The following ANO6 variants were observed in gnomAD, a reference collection of about 807,000 sequenced individuals.
ANO6 encodes the protein anoctamin 6.
A neutral mutation model predicts 117.5 loss-of-function variants in ANO6; 106 were observed. The observed-to-expected ratio is 0.90, with a 90% CI of 0.77 to 1.06. ANO6 has a LOEUF of 1.06. Among genes scored for constraint, ANO6 ranks in the 50% least tolerant of loss-of-function variants. ANO6 has a pLI of 0.00. For missense variants in ANO6, 955 were observed against 1,121.1 expected (o/e 0.85, Z 2.12); for synonymous variants, 367 against 385.1 (o/e 0.95, Z 0.55).
rs1943226456 is a variant in ANO6, at chr12:45,416,847, C to G, written c.2160C>G (p.Asp720Glu). 6.2e-7 allele frequency: 1 copy of G among 1,614,050 alleles called. No individual in the cohort carries two copies. The highest frequency in any genetic ancestry group is 1.3e-5 in the African/African-American group (1 of 74,922). ...FRRLVPEKAQ[D>E]IGAWQPIMQG... ...GCCTGGTACCAGAGAAAGCCCAAGA[C>G]ATTGGAGCATGGCAGCCCATCATGC... Residue 720 changes from aspartate to glutamate, a missense_variant, in exon 17 of 20, where the codon GAC becomes GAG. Asp to Glu is a conservative substitution (Grantham distance 45). Transcript: ENST00000320560.
At chr12:45,241,833 C>G (rs1487088014) in intron 1 of ANO6, among the ~76,000 whole-genome samples, 1 of 152,180 alleles carries the variant, frequency 6.6e-6, no homozygotes, top group Admixed American at 6.5e-5. Context: ...TTGGAGTTTG[C>G]TGGATGTCCA....
chr12:45,429,225 C>G lies in ANO6; in HGVS notation c.2647C>G (p.Leu883Val). Residue 883 changes from leucine (L) to valine (V), a missense_variant, in exon 20 of 20, where the codon CTC (leucine) becomes GTC (valine). By Grantham distance (32) the Leu-to-Val change is conservative. Transcript: ENST00000320560. ...CCAAAAGCTTCTTCATGAGAATCAC[C>G]TCAAAGATATGACGAAAAATATGGG... ...LTQKLLHENH[L>V]KDMTKNMGVI... The G allele has an allele frequency of 6.2e-7, 1 of 1,613,852 alleles. No individual in the cohort carries two copies. The highest frequency in any genetic ancestry group is 1.7e-5 in the Admixed American group (1 of 59,978).
At chr12:45,417,823 T>C (rs1256842364) in intron 17 of ANO6, among the ~76,000 whole-genome samples, 1 of 152,182 alleles carries the variant, frequency 6.6e-6, no homozygotes, top group Non-Finnish European at 1.5e-5. Flanking sequence ...TGGCAGTGCC[T>C]GTAGTTTAGG....
chr12:45,246,496 A>G (rs1411894230), intron 1 of ANO6, among the ~76,000 whole-genome samples: 1 of 152,198 alleles, frequency 6.6e-6, no homozygotes, highest in East Asian at 1.9e-4. Context: ...TGAAAGAGAA[A>G]GTTTACCAGC....
At chr12:45,240,053 G>A (rs916755926) in intron 1 of ANO6, among the ~76,000 whole-genome samples, 20 of 152,156 alleles carry the variant, frequency 1.3e-4, no homozygotes, top group African/African-American at 4.6e-4. Flanking sequence ...TTAGTGCAGA[G>A]CTGACTTCAA....
chr12:45,255,810 C>T (rs1349998706), intron 1 of ANO6, among the ~76,000 whole-genome samples: 2 of 126,364 alleles, frequency 1.6e-5, no homozygotes, highest in South Asian at 5.5e-4. Context: ...CAGGTTTTCT[C>T]CCTGGGTGTT....
At chr12:45,344,982 G>A (rs1215162195) in intron 3 of ANO6, among the ~76,000 whole-genome samples, 1 of 152,102 alleles carries the variant, frequency 6.6e-6, no homozygotes, top group Non-Finnish European at 1.5e-5. Flanking sequence ...GAGCGGAGTA[G>A]GAAAGCTATA....
chr12:45,229,354 GCTGT>G (rs1467788799), intron 1 of ANO6, among the ~76,000 whole-genome samples: 3 of 150,652 alleles, frequency 2.0e-5, no homozygotes, highest in South Asian at 2.1e-4. Flanking sequence ...TTATTCTTGG[GCTGT>G]CTATCAATCT....
intron 3 of ANO6, among the ~76,000 whole-genome samples, chr12:45,346,709 G>A (rs1046052974): frequency 2.0e-5 from 3 of 152,140 alleles, no homozygotes; most frequent in African/African-American, 4.8e-5. Context: ...AAAAGTACGT[G>A]GGATTGTGTC....
At chr12:45,274,428 C>T (rs189853011) in intron 1 of ANO6, among the ~76,000 whole-genome samples, 74 of 152,182 alleles carry the variant, frequency 4.9e-4, no homozygotes, top group Non-Finnish European at 9.4e-4. Flanking sequence ...TGAAGTCATC[C>T]TTGATTCCTG....
chr12:45,329,351 A>G (rs1940585536), intron 2 of ANO6, among the ~76,000 whole-genome samples: 1 of 152,142 alleles, frequency 6.6e-6, no homozygotes, highest in South Asian at 2.1e-4. Flanking sequence ...TCTTTTCTCT[A>G]GTATTGCATT....
At chr12:45,389,611 C>T (rs1367929325) in intron 11 of ANO6, among the ~76,000 whole-genome samples, 2 of 152,148 alleles carry the variant, frequency 1.3e-5, no homozygotes, top group Non-Finnish European at 2.9e-5. Flanking sequence ...TTTCATTGCC[C>T]ACATACCCTC....
chr12:45,242,624 T>C (rs1376882477), intron 1 of ANO6, among the ~76,000 whole-genome samples: 1 of 152,198 alleles, frequency 6.6e-6, no homozygotes, highest in African/African-American at 2.4e-5. Flanking sequence ...GTACCTCAGT[T>C]GGAAATGCAG....
At chr12:45,255,347 A>G (rs1289632468) in intron 1 of ANO6, among the ~76,000 whole-genome samples, 1 of 152,154 alleles carries the variant, frequency 6.6e-6, no homozygotes, top group Non-Finnish European at 1.5e-5. Context: ...TAAAAATACA[A>G]CAACAATTAG....
At chr12:45,432,959 C>CAGT (rs1565781040), downstream of ANO6, among the ~76,000 whole-genome samples, 2 of 152,194 alleles carry the variant, frequency 1.3e-5, no homozygotes, top group African/African-American at 4.8e-5. Flanking sequence ...GAGAGCCAGC[C>CAGT]TGCAGTAGGT....
At chr12:45,420,461 T>C (rs1464815299) in intron 17 of ANO6, among the ~76,000 whole-genome samples, 1 of 147,326 alleles carries the variant, frequency 6.8e-6, no homozygotes, top group Non-Finnish European at 1.5e-5. Context: ...ACAAAAAATG[T>C]TTAAAGATTA....
At chr12:45,218,974 C>T (rs948904678) in intron 1 of ANO6, among the ~76,000 whole-genome samples, 3 of 152,162 alleles carry the variant, frequency 2.0e-5, no homozygotes, top group Non-Finnish European at 2.9e-5. Flanking sequence ...GGGTCTTGCT[C>T]TGTCACCTAG....
chr12:45,388,257 A>T lies in ANO6; in HGVS notation c.1262A>T (p.Glu421Val). Residue 421 changes from glutamate to valine, a missense_variant, in exon 11 of 20, where the codon GAA becomes GTA. Coordinates refer to ENST00000320560, the MANE Select transcript of ANO6 (RefSeq NM_001025356.3). ...CAGCAGGAAGAACAAGCCCGACCAGAATACGAAGCACGATGTACTCACGTA... is the reference window on the plus strand; with the variant it reads ...CAGCAGGAAGAACAAGCCCGACCAGTATACGAAGCACGATGTACTCACGTA... The part of the protein sequence containing the change: ...ELQQEEQARP[E>V]YEARCTHVVI... 5 of 1,614,164 alleles carry T rather than the reference A, an allele frequency of 3.1e-6. No homozygotes were observed. The highest frequency in any genetic ancestry group is 4.2e-6 in the Non-Finnish European group (5 of 1,179,994).
chr12:45,359,278 T>C (rs1593010730), intron 8 of ANO6, among the ~76,000 whole-genome samples: 2 of 152,210 alleles, frequency 1.3e-5, no homozygotes, highest in Non-Finnish European at 2.9e-5. Context: ...TTTTAAATGT[T>C]TTCTATTCTT....
Sources: gnomAD v4.1 joint callset for allele counts (sites outside exome capture counted in the v4.1 genomes callset) on GRCh38, gnomAD v4.1.1 for gene constraint, MANE v1.5 for transcripts, NCBI Gene and HGNC (gene_info 2026-07-23, HGNC 2026-07-21) for gene names.